CCDC25: variants seen among roughly 807,000 people sequenced by gnomAD.
CCDC25 encodes the protein coiled-coil domain-containing protein 25.
A neutral mutation model predicts 35.3 loss-of-function variants in CCDC25; 16 were observed. That is an observed-to-expected ratio of 0.45 (90% CI 0.31 to 0.69). The LOEUF (loss-of-function observed/expected upper bound fraction) is 0.69. CCDC25 is among the 30% of genes least tolerant of loss of function. CCDC25 has a pLI of 0.06. For synonymous variants in CCDC25, 79 were observed against 80.3 expected (o/e 0.98, Z 0.09); for missense variants, 179 against 250.7 (o/e 0.71, Z 1.93).
In CCDC25 at chr8:27,761,454, A is replaced by AT. The variant is rs149890124; in HGVS notation, c.116+964dup. 8.4e-3 allele frequency among the ~76,000 whole-genome samples: 1,287 copies of AT among 152,348 alleles called. 20 individuals are homozygous for AT. Among genetic ancestry groups the AT allele is most frequent in the African/African-American group, 0.03 (1,234 of 41,582 alleles). On this transcript the variant is annotated intron_variant, in intron 3 of 8. Transcript: ENST00000356537. ...ACAGGGTTGTTGTGAAGTTAAATGT[A>AT]TTAATGGAGGTAAACACTTAGTAGT...
At chr8:27,743,727 C>G (rs1160903142) in intron 7 of CCDC25, among the ~76,000 whole-genome samples, 1 of 152,150 alleles carries the variant, frequency 6.6e-6, no homozygotes, top group Non-Finnish European at 1.5e-5. Context: ...GACTCCATCT[C>G]TACAAAAAAT....
At chr8:27,748,436 G>A (rs888073291) in intron 6 of CCDC25, 59 bp downstream of exon 6, 234 of 1,387,810 alleles carry the variant, frequency 1.7e-4, no homozygotes, top group Non-Finnish European at 2.3e-4. Context: ...AGACAGAAAA[G>A]ATAGGATACT....
rs1355905410 is a variant in CCDC25, at chr8:27,736,035, G to C, written c.*181C>G. ...AAGTTCAACTATTTTATACATATCT[G>C]ATCCTTTTCTGTCAGCAAAAAAGGT... On this transcript the variant is annotated 3_prime_UTR_variant, in exon 9 of 9. Transcript: ENST00000356537. The C allele has an allele frequency of 3.5e-6, 2 of 574,772 alleles. No homozygotes were observed. The highest frequency in any genetic ancestry group is 6.1e-6 in the Non-Finnish European group (2 of 327,288). The allele number at this position is 574,772 out of a possible 1,614,324, so 35.6% of individuals were successfully genotyped here.
At position 27,772,549 on chromosome 8, in the gene CCDC25, G is replaced by A. The variant is rs1330105961; in HGVS notation, c.-9C>T. The A allele has an allele frequency of 1.3e-6, 2 of 1,549,162 alleles. No homozygotes were observed. The highest frequency in any genetic ancestry group is 2.7e-5 in the African/African-American group (2 of 73,006). On this transcript the variant is annotated 5_prime_UTR_variant, in exon 1 of 9. Transcript: ENST00000356537. Reference sequence around the variant, plus strand: ...GTGAAGTAGAACACCATGATCCCGGGAGCGGTGCGGTGACTCCACCGCGGA... The same window carrying A: ...GTGAAGTAGAACACCATGATCCCGGAAGCGGTGCGGTGACTCCACCGCGGA...
intron 4 of CCDC25, among the ~76,000 whole-genome samples, chr8:27,753,668 T>C (rs1200713080): frequency 1.3e-5 from 2 of 152,234 alleles, no homozygotes; most frequent in African/African-American, 4.8e-5. Context: ...TTCCATCTTC[T>C]GACACAGCAG....
rs188270282 is a variant in CCDC25, at chr8:27,742,727, C to T, written c.552-2210G>A. Among the ~76,000 whole-genome samples the T allele has an allele frequency of 6.6e-5, 10 of 152,226 alleles. No individual in the cohort carries two copies. The East Asian group carries it at 7.7e-4, about 12-fold the overall frequency. On this transcript the variant is annotated intron_variant, in intron 7 of 8. Coordinates refer to ENST00000356537, the MANE Select transcript of CCDC25 (RefSeq NM_018246.3). ...TGAAAATATACAAAAATTAGCCAGGCGTGGTTGTGCATGCCTGTAATTTCA... is the reference window on the plus strand; with the variant it reads ...TGAAAATATACAAAAATTAGCCAGGTGTGGTTGTGCATGCCTGTAATTTCA...
chr8:27,770,616 G>C (rs1434075713), intron 1 of CCDC25, among the ~76,000 whole-genome samples: 1 of 151,144 alleles, frequency 6.6e-6, no homozygotes, highest in South Asian at 2.1e-4. Context: ...GCGCATTCCT[G>C]TAATCCCAGC....
At position 27,765,198 on chromosome 8, in the gene CCDC25, A is replaced by C; in HGVS notation, c.76+6T>G. On this transcript the variant is annotated splice_donor_region_variant and intron_variant, in intron 2 of 8. Coordinates refer to ENST00000356537, the MANE Select transcript of CCDC25 (RefSeq NM_018246.3). The stretch of plus-strand genomic sequence containing the variant: ...ATTTCAAAATCAAATGCTTTTGAAA[A>C]CTTACTTTCATATTTATCTTTTCCC... 6.6e-7 allele frequency: 1 copy of C among 1,508,624 alleles called. No individual in the cohort carries two copies. Among genetic ancestry groups the C allele is most frequent in the African/African-American group, 1.4e-5 (1 of 72,190 alleles). The allele number at this position is 1,508,624 out of a possible 1,614,324, so 93.5% of individuals were successfully genotyped here. A position where few individuals can be genotyped will look rare whatever the true frequency, so the allele number is the denominator to read the frequency against.
Position 27,734,149 on chromosome 8 carries a change from A to G in CCDC25, c.*2067T>C, listed in dbSNP as rs922037372. The G allele has an allele frequency of 1.3e-5, 2 of 152,204 alleles. No individual in the cohort carries two copies. Among genetic ancestry groups the G allele is most frequent in the Non-Finnish European group, 2.9e-5 (2 of 68,044 alleles). 9.4% of individuals were successfully genotyped at this position (152,204 alleles called of 1,614,324 possible). On this transcript the variant is annotated 3_prime_UTR_variant, in exon 9 of 9. Transcript: ENST00000356537. Reference sequence around the variant, plus strand: ...AACATCTGTGTTGGTAAACTTCTCAATATTTGTTCTAGCCCAACCACGGTG... The same window carrying G: ...AACATCTGTGTTGGTAAACTTCTCAGTATTTGTTCTAGCCCAACCACGGTG...
chr8:27,748,234 G>A lies in CCDC25; in HGVS notation c.394C>T (p.Arg132Ter). 4 of 1,613,802 alleles carry A rather than the reference G, an allele frequency of 2.5e-6. No homozygotes were observed. The highest frequency in any genetic ancestry group is 3.4e-6 in the Non-Finnish European group (4 of 1,179,912). The change falls in exon 7 of 9, where the codon CGA (arginine) becomes TGA (stop). Residue 132 changes from arginine to a stop codon, truncating the protein, a stop_gained. Coordinates refer to ENST00000356537, the MANE Select transcript of CCDC25 (RefSeq NM_018246.3). LOFTEE classifies it high-confidence loss of function. ...CGCTCGACTTTGGTCTTTTCTAATCGGTTCAGGATCTCATTTACTTTCTTC... is the reference window on the plus strand; with the variant it reads ...CGCTCGACTTTGGTCTTTTCTAATCAGTTCAGGATCTCATTTACTTTCTTC... The part of the protein sequence containing the change: ...VEKKVNEILN[R>*]LEKTKVERFP...
At chr8:27,760,634 G>A (rs1308799545) in intron 3 of CCDC25, among the ~76,000 whole-genome samples, 1 of 152,180 alleles carries the variant, frequency 6.6e-6, no homozygotes, top group Non-Finnish European at 1.5e-5. Context: ...TAATGAAATA[G>A]GTGATCATTG....
chr8:27,750,917 C>G (rs537873627), intron 5 of CCDC25, among the ~76,000 whole-genome samples: 1 of 152,278 alleles, frequency 6.6e-6, no homozygotes, highest in South Asian at 2.1e-4. Flanking sequence ...TACAAAGTGC[C>G]ACAAGTGGAG....
At chr8:27,763,735 A>C (rs770104273) in intron 2 of CCDC25, among the ~76,000 whole-genome samples, 1 of 151,986 alleles carries the variant, frequency 6.6e-6, no homozygotes, top group Admixed American at 6.5e-5. Flanking sequence ...TAAATAAATA[A>C]ATAAATTGTG....
intron 5 of CCDC25, among the ~76,000 whole-genome samples, chr8:27,750,492 T>G (rs1332058906): frequency 1.3e-5 from 2 of 152,192 alleles, no homozygotes; most frequent in African/African-American, 2.4e-5. Flanking sequence ...CCACTACACC[T>G]ACTATGTGGA....
rs568432708 is a variant in CCDC25, at chr8:27,765,048, T to C, written c.76+156A>G. On this transcript the variant is annotated intron_variant, in intron 2 of 8. Transcript: ENST00000356537. ...ATGTAGCTTAGGAGGTGCTGCTGTC[T>C]CCCTATGTGAGCTTGTTCTGTTTCT... Among the ~76,000 whole-genome samples the C allele has an allele frequency of 9.8e-5, 15 of 152,288 alleles. No individual in the cohort carries two copies. In the East Asian group the frequency reaches 2.3e-3, roughly 23 times the overall value.
intron 7 of CCDC25, among the ~76,000 whole-genome samples, chr8:27,742,912 T>C (rs1803489606): frequency 6.6e-6 from 1 of 152,094 alleles, no homozygotes; most frequent in Non-Finnish European, 1.5e-5. Flanking sequence ...AATTTACCTT[T>C]CTTTAGTTTC....
intron 1 of CCDC25, among the ~76,000 whole-genome samples, chr8:27,771,343 T>G (rs1804607559): frequency 6.6e-6 from 1 of 152,144 alleles, no homozygotes; most frequent in African/African-American, 2.4e-5. Flanking sequence ...ATGGAGCATT[T>G]CTCAGAATGT....
Position 27,736,230 on chromosome 8 carries a change from C to G in CCDC25, c.613G>C (p.Asp205His), listed in dbSNP as rs1330500528. ...MSSNQDGNDS[D>H]EFM is the part of the protein sequence containing the mutation. ...CTTTTCTCCTTTTACATGAATTCAT[C>G]TGAATCATTGCCATCCTGTAGGAAA... Residue 205 changes from aspartate to histidine, a missense_variant, in exon 9 of 9, where the codon GAT (aspartate) becomes CAT (histidine). Physicochemically the swap from Asp to His is moderately conservative, Grantham distance 81 (BLOSUM62 -1). Coordinates refer to ENST00000356537, the MANE Select transcript of CCDC25 (RefSeq NM_018246.3). 12 of 1,609,218 alleles carry G rather than the reference C, an allele frequency of 7.5e-6. No homozygotes were observed. In the South Asian group the frequency reaches 1.3e-4, roughly 18 times the overall value.
chr8:27,756,239 G>C, intron 4 of CCDC25: 1 of 154,200 alleles, frequency 6.5e-6, no homozygotes, highest in Non-Finnish European at 1.4e-5. Flanking sequence ...AATAGAGATA[G>C]ATTGGAAAAA....
Sources: gnomAD v4.1 joint callset for allele counts (sites outside exome capture counted in the v4.1 genomes callset) on GRCh38, gnomAD v4.1.1 for gene constraint, MANE v1.5 for transcripts, NCBI Gene and HGNC (gene_info 2026-07-23, HGNC 2026-07-21) for gene names.